KIF16B: variants seen among roughly 807,000 people sequenced by gnomAD.
The protein encoded by KIF16B is kinesin-like protein KIF16B.
Under a neutral mutation model 156.3 loss-of-function variants are expected in KIF16B, and 98 were observed. The ratio of observed to expected loss-of-function variants is 0.63; its 90% CI spans 0.53 to 0.74. The LOEUF (loss-of-function observed/expected upper bound fraction) is 0.74. KIF16B is among the 30% of genes least tolerant of loss of function. The pLI is 0.00. For synonymous variants in KIF16B, 564 were observed against 583.7 expected, an observed-to-expected ratio of 0.97 and a Z score of 0.49; for missense variants, 1,421 against 1,606.5, an observed-to-expected ratio of 0.88 and a Z score of 1.97.
intron 10 of KIF16B, among the ~76,000 whole-genome samples, chr20:16,503,404 T>C (rs926596762): frequency 1.3e-5 from 2 of 152,334 alleles, no homozygotes; most frequent in Non-Finnish European, 2.9e-5. Flanking sequence ...GTCCACCATC[T>C]TGTGGGAAAG....
At chr20:16,312,925 C>A (rs1192571033) in intron 24 of KIF16B, among the ~76,000 whole-genome samples, 1 of 152,074 alleles carries the variant, frequency 6.6e-6, no homozygotes. Flanking sequence ...TCAGTTACCA[C>A]CGTGAATGAA....
intron 25 of KIF16B, among the ~76,000 whole-genome samples, chr20:16,278,145 C>G (rs1424842415): frequency 6.6e-6 from 1 of 151,964 alleles, no homozygotes; most frequent in African/African-American, 2.4e-5. Context: ...GTCTGTCTGA[C>G]AGTGAGTGAT....
intron 25 of KIF16B, among the ~76,000 whole-genome samples, chr20:16,283,617 G>A (rs2063179525): frequency 6.6e-6 from 1 of 152,164 alleles, no homozygotes; most frequent in East Asian, 1.9e-4. Context: ...AGGTGGCAAG[G>A]TGGGTGTGAC....
chr20:16,343,712 T>C (rs2064181436), intron 23 of KIF16B, among the ~76,000 whole-genome samples: 1 of 152,186 alleles, frequency 6.6e-6, no homozygotes, highest in Admixed American at 6.5e-5. Flanking sequence ...CATTAATGGA[T>C]AAGGTTTAAT....
chr20:16,470,587 A>C (rs2067633772), intron 12 of KIF16B, among the ~76,000 whole-genome samples: 1 of 152,002 alleles, frequency 6.6e-6, no homozygotes, highest in African/African-American at 2.4e-5. Flanking sequence ...AGGCTCAAGC[A>C]ATCCTCCTAC....
chr20:16,372,346 C>T (rs1416157433), intron 20 of KIF16B, among the ~76,000 whole-genome samples: 2 of 152,190 alleles, frequency 1.3e-5, no homozygotes, highest in Non-Finnish European at 2.9e-5. Context: ...ACCTGGCCAG[C>T]AAGACCACAT....
At chr20:16,349,773 C>T (rs919805040) in intron 23 of KIF16B, among the ~76,000 whole-genome samples, 1 of 152,186 alleles carries the variant, frequency 6.6e-6, no homozygotes, top group African/African-American at 2.4e-5. Flanking sequence ...TGCTGCCCTG[C>T]AGTTCTGCAA....
At chr20:16,387,187 T>G (rs11906441) in intron 17 of KIF16B, among the ~76,000 whole-genome samples, 2 of 152,090 alleles carry the variant, frequency 1.3e-5, no homozygotes, top group Non-Finnish European at 2.9e-5. Context: ...TCAGGAACAT[T>G]ATTTGTAATA....
At chr20:16,552,957 G>A (rs552548375) in intron 1 of KIF16B, among the ~76,000 whole-genome samples, 1 of 152,050 alleles carries the variant, frequency 6.6e-6, no homozygotes, top group South Asian at 2.1e-4. Context: ...GTAGAGACAG[G>A]GTTTCATCGT....
chr20:16,541,769 G>A (rs1485675275), intron 1 of KIF16B, among the ~76,000 whole-genome samples: 1 of 152,254 alleles, frequency 6.6e-6, no homozygotes, highest in African/African-American at 2.4e-5. Context: ...AGAGGGAGAA[G>A]TGGAGCTGCA....
intron 3 of KIF16B, among the ~76,000 whole-genome samples, chr20:16,518,318 G>A (rs531935373): frequency 1.2e-4 from 18 of 152,268 alleles, no homozygotes; most frequent in African/African-American, 4.1e-4. Context: ...GGTGGGAAGC[G>A]GGGCCTGCTT....
chr20:16,436,646 T>C (rs372032215), intron 12 of KIF16B, among the ~76,000 whole-genome samples: 2 of 152,216 alleles, frequency 1.3e-5, no homozygotes, highest in African/African-American at 4.8e-5. Context: ...CTTCACAATC[T>C]TTCCTTTTCC....
At chr20:16,467,918 AT>A (rs1211271141) in intron 12 of KIF16B, among the ~76,000 whole-genome samples, 3 of 152,218 alleles carry the variant, frequency 2.0e-5, no homozygotes, top group Non-Finnish European at 4.4e-5. Context: ...AAAATGCTCA[AT>A]TAAAACCATA....
intron 22 of KIF16B, among the ~76,000 whole-genome samples, chr20:16,360,908 C>T (rs1036654881): frequency 2.0e-5 from 3 of 152,164 alleles, no homozygotes; most frequent in Non-Finnish European, 2.9e-5. Flanking sequence ...CAGATCTCTG[C>T]GGGCTCTCAG....
At chr20:16,321,732 T>C (rs2063775857) in intron 24 of KIF16B, among the ~76,000 whole-genome samples, 1 of 151,970 alleles carries the variant, frequency 6.6e-6, no homozygotes, top group East Asian at 1.9e-4. Flanking sequence ...GATATAATAA[T>C]GAAACATATT....
chr20:16,357,279 G>T (rs775856598), intron 22 of KIF16B, among the ~76,000 whole-genome samples: 17 of 152,142 alleles, frequency 1.1e-4, no homozygotes, highest in Non-Finnish European at 2.4e-4. Context: ...ACATTAACCA[G>T]TTTACATGAA....
intron 13 of KIF16B, among the ~76,000 whole-genome samples, chr20:16,429,575 T>A (rs527419022): frequency 6.6e-6 from 1 of 152,230 alleles, no homozygotes; most frequent in Non-Finnish European, 1.5e-5. Context: ...TTACAACTTT[T>A]CTCCTTCAGT....
At chr20:16,283,064 T>G (rs577091089) in intron 25 of KIF16B, among the ~76,000 whole-genome samples, 1 of 152,324 alleles carries the variant, frequency 6.6e-6, no homozygotes, top group African/African-American at 2.4e-5. Flanking sequence ...GTGCCGACAC[T>G]TGCATACCTT....
chr20:16,351,444 G>A (rs188102873), intron 23 of KIF16B, among the ~76,000 whole-genome samples: 39 of 152,296 alleles, frequency 2.6e-4, no homozygotes, highest in African/African-American at 8.7e-4. Flanking sequence ...CTGATGCCAC[G>A]TGTCAGTGAC....
Sources: gnomAD v4.1 joint callset for allele counts (sites outside exome capture counted in the v4.1 genomes callset) on GRCh38, gnomAD v4.1.1 for gene constraint, MANE v1.5 for transcripts, NCBI Gene and HGNC (gene_info 2026-07-23, HGNC 2026-07-21) for gene names.